The following UGGT1 variants were observed in gnomAD, a reference collection of about 807,000 sequenced individuals.
UGGT1 encodes the protein UDP-glucose:glycoprotein glucosyltransferase 1.
In UGGT1, 107 loss-of-function variants were observed where a neutral mutation model predicts 203.9. The observed-to-expected ratio is 0.52, with a 90% CI of 0.45 to 0.62. The LOEUF (loss-of-function observed/expected upper bound fraction) is 0.62, where lower values mean the gene tolerates loss of function less well. UGGT1 is among the 20% of genes least tolerant of loss of function. The probability of loss-of-function intolerance (pLI) is 0.00; values close to 1 mark genes in which losing one functional copy is unlikely to be tolerated. For missense variants in UGGT1, 1,673 were observed against 1,867.2 expected (o/e 0.90, Z 1.92); for synonymous variants, 628 against 653.5 (o/e 0.96, Z 0.59).
intron 1 of UGGT1, among the ~76,000 whole-genome samples, chr2:128,093,461 G>A (rs4627511): frequency 0.9 from 137,036 of 152,226 alleles, 62,463 homozygotes; most frequent in Non-Finnish European, 0.98. Context: ...AGCTCCCATC[G>A]GTCCCCAAAG....
chr2:128,133,071 A>T, intron 13 of UGGT1, 70 bp from the exon 14 acceptor site: 1 of 1,550,894 alleles, frequency 6.4e-7, no homozygotes, highest in South Asian at 1.1e-5. Context: ...TTAAAGTCTT[A>T]TTGATATTAT....
chr2:128,149,801 T>A (rs74488130), intron 18 of UGGT1, among the ~76,000 whole-genome samples: 24,648 of 142,010 alleles, frequency 0.17, 2,332 homozygotes, highest in South Asian at 0.32. Context: ...AAAAAAAAAA[T>A]AATAATAATA....
intron 8 of UGGT1, among the ~76,000 whole-genome samples, chr2:128,119,389 C>T (rs908843840): frequency 6.6e-6 from 1 of 151,696 alleles, no homozygotes; most frequent in Admixed American, 6.6e-5. Context: ...CAGGAGTTCA[C>T]GCCATTGCAC....
At chr2:128,173,262 T>C (rs6738050) in intron 29 of UGGT1, among the ~76,000 whole-genome samples, 17,054 of 152,284 alleles carry the variant, frequency 0.11, 1,226 homozygotes, top group Non-Finnish European at 0.16. Flanking sequence ...ATATCACGTT[T>C]CATTTATCCT....
chr2:128,154,223 G>T (rs190754922), intron 19 of UGGT1, among the ~76,000 whole-genome samples: 2 of 152,170 alleles, frequency 1.3e-5, no homozygotes, highest in African/African-American at 4.8e-5. Flanking sequence ...GTAGAGCAAG[G>T]TGAGCGTGTT....
chr2:128,154,309 T>G (rs1163379516), intron 19 of UGGT1, among the ~76,000 whole-genome samples: 1 of 152,238 alleles, frequency 6.6e-6, no homozygotes, highest in African/African-American at 2.4e-5. Flanking sequence ...GGAATACACA[T>G]GAATAAGGAA....
intron 22 of UGGT1, among the ~76,000 whole-genome samples, chr2:128,158,523 A>T (rs1400019276): frequency 6.6e-6 from 1 of 152,190 alleles, no homozygotes; most frequent in South Asian, 2.1e-4. Context: ...TTTATTCATG[A>T]TGTTACAAGT....
chr2:128,108,772 T>C, intron 4 of UGGT1, among the ~76,000 whole-genome samples: 1 of 152,172 alleles, frequency 6.6e-6, no homozygotes, highest in Non-Finnish European at 1.5e-5. Flanking sequence ...TGGAAAGCCC[T>C]CCGTGTACTT....
intron 6 of UGGT1, among the ~76,000 whole-genome samples, chr2:128,114,788 A>G (rs1029871620): frequency 1.3e-5 from 2 of 152,150 alleles, no homozygotes; most frequent in Non-Finnish European, 2.9e-5. Flanking sequence ...TTCCATTCCC[A>G]CAGTTGTGGC....
chr2:128,142,997 T>G (rs1337524118), intron 16 of UGGT1, 97 bp from the exon 17 acceptor site: 4 of 1,181,532 alleles, frequency 3.4e-6, no homozygotes, highest in East Asian at 3.0e-5. Context: ...AAAAGAAAAA[T>G]AAGTATATTT....
At position 128,157,357 on chromosome 2, in the gene UGGT1, A is replaced by G. The variant is rs369069164; in HGVS notation, c.2355+11A>G. On this transcript the variant is annotated intron_variant, in intron 22 of 40. Coordinates refer to ENST00000259253, the MANE Select transcript of UGGT1 (RefSeq NM_020120.4). ...GCCATCAAACATCAGGCAAGTATCTATGACTTCATTTTATATTTTTGTTTG... is the reference window on the plus strand; with the variant it reads ...GCCATCAAACATCAGGCAAGTATCTGTGACTTCATTTTATATTTTTGTTTG... The G allele has an allele frequency of 9.9e-6, 16 of 1,609,370 alleles. No individual in the cohort carries two copies. The Admixed American group carries it at 2.2e-4, about 22-fold the overall frequency.
At chr2:128,104,747 A>G (rs965385011) in intron 3 of UGGT1, among the ~76,000 whole-genome samples, 4 of 152,106 alleles carry the variant, frequency 2.6e-5, no homozygotes, top group Admixed American at 6.5e-5. Flanking sequence ...CCCAGGTTCA[A>G]TCATTTCTCC....
chr2:128,145,123 A>G (rs1031369863), intron 17 of UGGT1, among the ~76,000 whole-genome samples: 3 of 152,144 alleles, frequency 2.0e-5, no homozygotes. Flanking sequence ...GTTTCCCCAC[A>G]AACCTTGTTT....
intron 38 of UGGT1, 140 bp downstream of exon 38, chr2:128,183,929 TGTGTGTGTGA>T: frequency 1.8e-6 from 1 of 562,462 alleles, no homozygotes; most frequent in Non-Finnish European, 3.2e-6. Context: ...TGTGTGTGTG[TGTGTGTGTGA>T]GAGAGAGAGA....
chr2:128,143,597 T>C (rs966637420), intron 17 of UGGT1, among the ~76,000 whole-genome samples: 1 of 152,216 alleles, frequency 6.6e-6, no homozygotes, highest in African/African-American at 2.4e-5. Context: ...TATCTTTACA[T>C]GTGTCGAAAT....
At chr2:128,136,093 A>C (rs1689119238) in intron 15 of UGGT1, among the ~76,000 whole-genome samples, 1 of 152,194 alleles carries the variant, frequency 6.6e-6, no homozygotes, top group East Asian at 1.9e-4. Context: ...GGTGAGAAGA[A>C]GGCACTTGAA....
Position 128,193,682 on chromosome 2 carries a change from G to A in UGGT1, c.*3940G>A, listed in dbSNP as rs1283593261. 3 of 152,236 alleles carry A rather than the reference G, an allele frequency of 2.0e-5. No individual in the cohort carries two copies. Among genetic ancestry groups the A allele is most frequent in the Non-Finnish European group, 2.9e-5 (2 of 68,078 alleles). 9.4% of individuals were successfully genotyped at this position (152,236 alleles called of 1,614,324 possible). On this transcript the variant is annotated 3_prime_UTR_variant, in exon 41 of 41. Transcript: ENST00000259253. The stretch of plus-strand genomic sequence containing the variant: ...CAGGGGGAAGAGACTGGCCCAGGTG[G>A]TAGGGAGGAAAGAACTCCCAGAGTT...
rs368067433 is a variant in UGGT1 at position 128,186,834 on chromosome 2, C to G, written c.4476+35C>G. 6.4e-5 allele frequency: 94 copies of G among 1,461,492 alleles called. 1 individual carries two copies. The Middle Eastern group carries it at 8.8e-4, about 14-fold the overall frequency. The allele number at this position is 1,461,492 out of a possible 1,614,324, so 90.5% of individuals were successfully genotyped here. A position where few individuals can be genotyped will look rare whatever the true frequency, so the allele number is the denominator to read the frequency against. Reference sequence around the variant, plus strand: ...ATGTGGTGTGCTTCTGCATGTTCATCCACTGGATGTGTGAGTGAATCACGA... The same window carrying G: ...ATGTGGTGTGCTTCTGCATGTTCATGCACTGGATGTGTGAGTGAATCACGA... On this transcript the variant is annotated intron_variant, in intron 39 of 40. Coordinates refer to ENST00000259253, the MANE Select transcript of UGGT1 (RefSeq NM_020120.4).
At chr2:128,112,979 T>G (rs946070878) in intron 5 of UGGT1, 105 bp from the exon 6 acceptor site, 7 of 1,090,152 alleles carry the variant, frequency 6.4e-6, no homozygotes, top group Non-Finnish European at 8.8e-6. Flanking sequence ...ATTAAGATGC[T>G]TATAATCTTT....
Sources: allele counts gnomAD v4.1 joint callset (sites outside exome capture counted in the v4.1 genomes callset), GRCh38; gene constraint gnomAD v4.1.1; transcripts MANE v1.5; gene names NCBI Gene and HGNC (gene_info 2026-07-23, HGNC 2026-07-21).